FASN: variants seen among roughly 807,000 people sequenced by gnomAD.
FASN encodes the protein fatty acid synthase.
A neutral mutation model predicts 250.0 loss-of-function variants in FASN; 50 were observed. The observed-to-expected ratio is 0.20, with a 90% confidence interval of 0.16 to 0.25. FASN has a LOEUF of 0.25. Among genes scored for constraint, FASN ranks in the 10% least tolerant of loss-of-function variants. The pLI, the probability that FASN is intolerant of heterozygous loss-of-function variation, is 1.00. For missense variants in FASN, 3,031 were observed against 3,498.5 expected (o/e 0.87, Z 3.37); for synonymous variants, 1,909 against 1,584.0 (o/e 1.21, Z -4.87).
At chr17:82,093,986 G>A in intron 3 of FASN, 1 of 623,250 alleles carries the variant, frequency 1.6e-6, no homozygotes, top group Admixed American at 2.5e-5. Context: ...CAGCCCAGGT[G>A]AGGCCTGGAA....
At chr17:82,082,278 G>C in intron 35 of FASN, 45 bp downstream of exon 35, 1 of 1,609,052 alleles carries the variant, frequency 6.2e-7, no homozygotes, top group Non-Finnish European at 8.5e-7. Flanking sequence ...ACGGCCCTGA[G>C]CCCAGAGCCC....
rs781711707 is a variant in FASN at position 82,087,697 on chromosome 17, C to T, written c.3031G>A (p.Ala1011Thr). Reference protein sequence around the residue: ...YGPHFQGILEASLEGDSGRLL... With the variant: ...YGPHFQGILETSLEGDSGRLL... ...AGTCAGTACCCACCTTCCAGGCTGG[C>T]CTCCAGGATGCCCTGGAAATGAGGG... is the stretch of plus-strand genomic sequence containing the variant. Residue 1011 changes from alanine (A) to threonine (T), a missense_variant, in exon 19 of 43, where the codon GCC becomes ACC. Physicochemically the swap from Ala to Thr is moderately conservative, Grantham distance 58 (BLOSUM62 0). Transcript: ENST00000306749. The T allele has an allele frequency of 1.9e-6, 3 of 1,611,680 alleles. No individual in the cohort carries two copies. The Admixed American group carries it at 5.0e-5, about 27-fold the overall frequency.
At chr17:82,080,652 C>T (rs772930225) in intron 39 of FASN, 40 bp downstream of exon 39, 23 of 1,555,126 alleles carry the variant, frequency 1.5e-5, no homozygotes, top group Non-Finnish European at 2.0e-5. Flanking sequence ...CCGTGATGGC[C>T]AGCACTGACC....
chr17:82,086,437 C>T lies in FASN; in HGVS notation c.3549G>A (p.Ser1183=), dbSNP rs72863336. The T allele has an allele frequency of 5.0e-4, 806 of 1,611,992 alleles. 1 individual carries two copies. The highest frequency in any genetic ancestry group is 2.2e-3 in the Middle Eastern group (13 of 6,036). ...CGTTGAGCTGAAGCCTGCAGGCAGC[C>T]GACAACAGCCGGGGCAGTTCCTGCT... ...PSQQELPRLL[S]AACRLQLNGN... The change falls in exon 22 of 43, where the codon TCG becomes TCA. Residue 1183 remains serine, a synonymous_variant. Transcript: ENST00000306749.
rs183504426 is a variant in FASN at position 82,089,244 on chromosome 17, G to A, written c.2100+6C>T. On this transcript the variant is annotated splice_donor_region_variant and intron_variant, in intron 13 of 42. Transcript: ENST00000306749. ...GCCCCGCACCCCCCAGGCCGTATTAGTCCACCTTCTTGAGCTCCTGCAGCA... is the reference window on the plus strand; with the variant it reads ...GCCCCGCACCCCCCAGGCCGTATTAATCCACCTTCTTGAGCTCCTGCAGCA... 20 of 1,612,516 alleles carry A rather than the reference G, an allele frequency of 1.2e-5. No homozygotes were observed. The East Asian group carries it at 3.6e-4, about 29-fold the overall frequency.
At position 82,092,691 on chromosome 17, in the gene FASN, C is replaced by A. The variant is rs1335722862; in HGVS notation, c.894+6G>T. ...TGGTGAGTGGGGCGGGGGGGGGGGG[C>A]ATCACCTTGGTGCCTGTGCCGTGGG... is the stretch of plus-strand genomic sequence containing the variant. On this transcript the variant is annotated splice_donor_region_variant and intron_variant, in intron 7 of 42. Coordinates refer to ENST00000306749, the MANE Select transcript of FASN (RefSeq NM_004104.5). 2 of 1,501,676 alleles carry A rather than the reference C, an allele frequency of 1.3e-6. No individual in the cohort carries two copies. The highest frequency in any genetic ancestry group is 1.5e-5 in the African/African-American group (1 of 68,542). The allele number at this position is 1,501,676 out of a possible 1,614,324, so 93.0% of individuals were successfully genotyped here.
chr17:82,091,786 C>T, intron 8 of FASN, 102 bp from the exon 9 acceptor site: 2 of 1,089,122 alleles, frequency 1.8e-6, no homozygotes, highest in Non-Finnish European at 2.6e-6. Flanking sequence ...GGCCAGGGTT[C>T]CAGGGCCCTC....
chr17:82,082,467 C>T, intron 34 of FASN, 53 bp from the exon 35 acceptor site: 1 of 1,611,768 alleles, frequency 6.2e-7, no homozygotes, highest in Admixed American at 1.7e-5. Flanking sequence ...CACCCGTCCA[C>T]CCAGGGTCCC....
Position 82,087,832 on chromosome 17 carries a change from G to A in FASN, c.2896C>T (p.Pro966Ser). The stretch of plus-strand genomic sequence containing the variant: ...CTTTCCGGGTGGTCGAAGAGCCTGG[G>A]GTCAGGGTCATCCCACTGGTACACC... ...GKVYQWDDPD[P>S]RLFDHPESPT... The change falls in exon 19 of 43, where the codon CCC (proline) becomes TCC (serine). Residue 966 changes from proline to serine, a missense_variant. By Grantham distance (74) the Pro-to-Ser change is moderately conservative. Coordinates refer to ENST00000306749, the MANE Select transcript of FASN (RefSeq NM_004104.5). 1 of 1,612,648 alleles carries A rather than the reference G, an allele frequency of 6.2e-7. No individual in the cohort carries two copies. Among genetic ancestry groups the A allele is most frequent in the East Asian group, 2.2e-5 (1 of 44,870 alleles).
At chr17:82,090,691 A>G in intron 10 of FASN, 127 bp from the exon 11 acceptor site, 1 of 1,081,988 alleles carries the variant, frequency 9.2e-7, no homozygotes, top group Admixed American at 2.0e-5. Context: ...CCTGATAGGA[A>G]AGAAGCCCCT....
At position 82,086,696 on chromosome 17, in the gene FASN, G is replaced by A. The variant is rs567980230; in HGVS notation, c.3428-138C>T. On this transcript the variant is annotated intron_variant, in intron 21 of 42. Transcript: ENST00000306749. ...GGATGAGAAATAGCTGAGGGTTGAG[G>A]AAGGGGCTGCCCACCACTGGGAGGC... is the stretch of plus-strand genomic sequence containing the variant. 1.6e-5 allele frequency: 12 copies of A among 749,194 alleles called. No homozygotes were observed. The East Asian group carries it at 1.9e-4, about 12-fold the overall frequency. 46.4% of individuals were successfully genotyped at this position (749,194 alleles called of 1,614,324 possible). A position where few individuals can be genotyped will look rare whatever the true frequency, so the allele number is the denominator to read the frequency against.
chr17:82,090,659 C>A, intron 10 of FASN, 95 bp from the exon 11 acceptor site: 3 of 1,205,344 alleles, frequency 2.5e-6, no homozygotes, highest in South Asian at 2.6e-5. Flanking sequence ...CACCCCCGCG[C>A]CCCATCGACC....
intron 14 of FASN, 21 bp from the exon 15 acceptor site, chr17:82,088,897 G>A: frequency 6.2e-7 from 1 of 1,610,768 alleles, no homozygotes; most frequent in Non-Finnish European, 8.5e-7. Flanking sequence ...CAGGGCAGGT[G>A]GGCTCTCTTG....
rs1453386099 is a variant in FASN at position 82,087,742 on chromosome 17, G to A, written c.2986C>T (p.Leu996=). The A allele has an allele frequency of 1.2e-6, 2 of 1,612,530 alleles. No individual in the cohort carries two copies. Among genetic ancestry groups the A allele is most frequent in the Admixed American group, 1.7e-5 (1 of 60,022 alleles). Residue 996 remains leucine (L), a synonymous_variant, in exon 19 of 43, where the codon CTG becomes TTG. Coordinates refer to ENST00000306749, the MANE Select transcript of FASN (RefSeq NM_004104.5). ...TGAGGGCCGTAGTCGTAGCCACGCA[G>A]ACGCAGCTCCTTGTAAACTTCAGCC... is the stretch of plus-strand genomic sequence containing the variant. ...AQAEVYKELR[L]RGYDYGPHFQ... is the part of the protein sequence containing the mutation.
At position 82,091,599 on chromosome 17, in the gene FASN, C is replaced by T. The variant is rs1229257192; in HGVS notation, c.1115G>A (p.Gly372Glu). Residue 372 changes from glycine (G) to glutamate (E), a missense_variant, in exon 9 of 43, where the codon GGG becomes GAG. Physicochemically the swap from Gly to Glu is moderately conservative, Grantham distance 98. Transcript: ENST00000306749. ...PNPEIPALLD[G>E]RLQVVDQPLP... The stretch of plus-strand genomic sequence containing the variant: ...GGGCTGGTCCACCACCTGCAGCCGC[C>T]CATCCAACAGCGCTGGGATCTCAGG... 2.5e-6 allele frequency: 4 copies of T among 1,591,232 alleles called. No homozygotes were observed. The highest frequency in any genetic ancestry group is 3.4e-6 in the Non-Finnish European group (4 of 1,170,686).
rs764570741 is a variant in FASN at position 82,079,274 on chromosome 17, C to T, written c.7405G>A (p.Asp2469Asn). 11 of 1,613,082 alleles carry T rather than the reference C, an allele frequency of 6.8e-6. No homozygotes were observed. The highest frequency in any genetic ancestry group is 2.2e-5 in the East Asian group (1 of 44,886). ...GADYNLSQVC[D>N]GKVSVHVIEG... The stretch of plus-strand genomic sequence containing the variant: ...ATGACGTGGACGGATACTTTCCCGT[C>T]GCATACCTGCAGGGGATGCGATCAG... Residue 2469 changes from aspartate to asparagine, a missense_variant, in exon 43 of 43, where the codon GAC (aspartate) becomes AAC (asparagine). By Grantham distance (23) the Asp-to-Asn change is conservative. Transcript: ENST00000306749.
In FASN at chr17:82,090,987, C is replaced by T. The variant is rs748912925; in HGVS notation, c.1575G>A (p.Glu525=). The change falls in exon 10 of 43, where the codon GAG becomes GAA. Residue 525 remains glutamate (E), a synonymous_variant. Transcript: ENST00000306749. Reference sequence around the variant, plus strand: ...CCTTCAGGCCGAATGGCTTCACAGCCTCATCGGAGCGTAGGATGGAATCTC... The same window carrying T: ...CCTTCAGGCCGAATGGCTTCACAGCTTCATCGGAGCGTAGGATGGAATCTC... The part of the protein sequence containing the change: ...RFRDSILRSD[E]AVKPFGLKVS... The T allele has an allele frequency of 2.5e-6, 4 of 1,612,906 alleles. No individual in the cohort carries two copies. The East Asian group carries it at 6.7e-5, about 27-fold the overall frequency.
At chr17:82,096,506 C>A in intron 1 of FASN, 54 bp from the exon 2 acceptor site, 1 of 1,601,762 alleles carries the variant, frequency 6.2e-7, no homozygotes, top group Non-Finnish European at 8.5e-7. Context: ...ACACCCCCGT[C>A]AACAGCCTCG....
intron 38 of FASN, 62 bp from the exon 39 acceptor site, chr17:82,080,984 G>A: frequency 1.4e-6 from 2 of 1,477,428 alleles, no homozygotes; most frequent in Non-Finnish European, 1.9e-6. Flanking sequence ...CCCACGCAAG[G>A]ACACACAGAC....
Sources: gnomAD v4.1 joint callset for allele counts on GRCh38, gnomAD v4.1.1 for gene constraint, MANE v1.5 for transcripts, NCBI Gene and HGNC (gene_info 2026-07-23, HGNC 2026-07-21) for gene names.